The following ARHGAP39 variants were observed in gnomAD, a reference collection of about 807,000 sequenced individuals.
ARHGAP39 encodes the protein rho GTPase-activating protein 39.
In ARHGAP39, 44 loss-of-function variants were observed where a neutral mutation model predicts 106.9. The observed-to-expected ratio is 0.41, with a 90% confidence interval of 0.32 to 0.53. The LOEUF (loss-of-function observed/expected upper bound fraction) is 0.53. ARHGAP39 is among the 20% of genes least tolerant of loss of function. The pLI is 0.21. For missense variants in ARHGAP39, 1,496 were observed against 1,577.3 expected, an observed-to-expected ratio of 0.95 and a Z score of 0.87; for synonymous variants, 768 against 693.2, an observed-to-expected ratio of 1.11 and a Z score of -1.69.
At chr8:144,581,497 T>C (rs1298417901) in intron 2 of ARHGAP39, among the ~76,000 whole-genome samples, 3 of 152,184 alleles carry the variant, frequency 2.0e-5, no homozygotes, top group Non-Finnish European at 4.4e-5. Flanking sequence ...GTGCAGCCCT[T>C]TGGGGGGTCC....
chr8:144,544,596 G>A lies in ARHGAP39; in HGVS notation c.2521+653C>T, dbSNP rs796082680. On this transcript the variant is annotated intron_variant, in intron 6 of 11. Transcript: ENST00000377307. Reference sequence around the variant, plus strand: ...TGCTGCAGACACGGGGCTGTCTGGCGGATGGCACCATGGCCTGGGCCCAGC... The same window carrying A: ...TGCTGCAGACACGGGGCTGTCTGGCAGATGGCACCATGGCCTGGGCCCAGC... 6.9e-4 allele frequency among the ~76,000 whole-genome samples: 105 copies of A among 152,372 alleles called. 2 individuals carry two copies. The highest frequency in any genetic ancestry group is 2.4e-3 in the African/African-American group (100 of 41,594).
intron 1 of ARHGAP39, among the ~76,000 whole-genome samples, chr8:144,630,848 T>G (rs1821042166): frequency 6.6e-6 from 1 of 152,274 alleles, no homozygotes; most frequent in African/African-American, 2.4e-5. Flanking sequence ...TAAGTTTCTG[T>G]TGTCTATAAA....
At chr8:144,681,025 C>A (rs980109232) in intron 1 of ARHGAP39, among the ~76,000 whole-genome samples, 2 of 152,098 alleles carry the variant, frequency 1.3e-5, no homozygotes, top group African/African-American at 4.8e-5. Context: ...TGTCTTGATA[C>A]CAAACACAGC....
intron 1 of ARHGAP39, among the ~76,000 whole-genome samples, chr8:144,620,852 C>T (rs904798806): frequency 6.6e-6 from 1 of 152,364 alleles, no homozygotes; most frequent in Non-Finnish European, 1.5e-5. Flanking sequence ...TGAGGACCGG[C>T]AGGAATCCCT....
intron 1 of ARHGAP39, among the ~76,000 whole-genome samples, chr8:144,681,161 G>T (rs1458759398): frequency 6.6e-6 from 1 of 152,124 alleles, no homozygotes; most frequent in Non-Finnish European, 1.5e-5. Flanking sequence ...AGACTTGTCA[G>T]ATAAACTTGG....
Position 144,548,156 on chromosome 8 carries a change from G to C in ARHGAP39, c.930C>G (p.Pro310=). The change falls in exon 5 of 12, where the codon CCC becomes CCG. Residue 310 remains proline (P), a synonymous_variant. Transcript: ENST00000377307. The surrounding 1 kb of genome is among the most constrained non-coding windows in gnomAD (Gnocchi z 7.4). ...QPSSPRYGYE[P]PLYEEPPVEY... ...CCACTGGGGGCTCCTCGTAGAGCGG[G>C]GGTTCATAGCCATAGCGCGGGGAGG... 1.3e-6 allele frequency: 2 copies of C among 1,573,374 alleles called. No individual in the cohort carries two copies. Among genetic ancestry groups the C allele is most frequent in the East Asian group, 2.3e-5 (1 of 44,324 alleles).
rs903122774 is a variant in ARHGAP39, at chr8:144,585,214, G to A, written c.81-3937C>T. Among the ~76,000 whole-genome samples the A allele has an allele frequency of 7.2e-5, 11 of 152,108 alleles. No individual in the cohort carries two copies. The highest frequency in any genetic ancestry group is 7.2e-4 in the Admixed American group (11 of 15,270). Reference sequence around the variant, plus strand: ...TGGGACCCCCCAGAAGCCTCTGCCGGTCCCAGCTCCAGATGCAATGGCAGA... The same window carrying A: ...TGGGACCCCCCAGAAGCCTCTGCCGATCCCAGCTCCAGATGCAATGGCAGA... On this transcript the variant is annotated intron_variant, in intron 2 of 11. Coordinates refer to ENST00000377307, the MANE Select transcript of ARHGAP39 (RefSeq NM_025251.3). The surrounding 1 kb of genome is among the most constrained non-coding windows in gnomAD (Gnocchi z 4.6).
chr8:144,619,743 T>G (rs370625120), intron 1 of ARHGAP39, among the ~76,000 whole-genome samples: 1 of 150,948 alleles, frequency 6.6e-6, no homozygotes, highest in African/African-American at 2.4e-5. Context: ...CGTGTGAGCC[T>G]GTGTGTACCT....
chr8:144,688,658 G>C (rs1185205242), upstream of ARHGAP39, among the ~76,000 whole-genome samples: 2 of 152,180 alleles, frequency 1.3e-5, no homozygotes, highest in African/African-American at 4.8e-5. Flanking sequence ...GGAAGGTCGA[G>C]GCTGTGGTGA....
chr8:144,588,057 G>C (rs1313062295), intron 2 of ARHGAP39, among the ~76,000 whole-genome samples: 2 of 152,350 alleles, frequency 1.3e-5, no homozygotes, highest in Non-Finnish European at 2.9e-5. Flanking sequence ...CAAGGGTGAT[G>C]GTCCCAGCCC....
intron 1 of ARHGAP39, 176 bp from the exon 2 acceptor site, chr8:144,605,871 C>T (rs1433970221): frequency 2.5e-5 from 13 of 526,720 alleles, no homozygotes; most frequent in East Asian, 1.6e-4. Flanking sequence ...CCTGGCCCTG[C>T]GTTGCAGCGA....
chr8:144,586,638 A>C lies in ARHGAP39; in HGVS notation c.81-5361T>G, dbSNP rs1819195008. The C allele has an allele frequency of 6.6e-6, 1 of 152,360 alleles. No homozygotes were observed. Among genetic ancestry groups the C allele is most frequent in the Non-Finnish European group, 1.5e-5 (1 of 68,146 alleles). 9.4% of individuals were successfully genotyped at this position (152,360 alleles called of 1,614,324 possible). Reference sequence around the variant, plus strand: ...GCTTCAATCTGGGGCAGTGGCCAGAAAACTGGCTGATGCAGGTACCACACC... The same window carrying C: ...GCTTCAATCTGGGGCAGTGGCCAGACAACTGGCTGATGCAGGTACCACACC... On this transcript the variant is annotated intron_variant, in intron 2 of 11. Transcript: ENST00000377307. The surrounding 1 kb of genome is among the most constrained non-coding windows in gnomAD (Gnocchi z 4.2).
intron 7 of ARHGAP39, among the ~76,000 whole-genome samples, chr8:144,536,825 C>T (rs1816974872): frequency 6.6e-6 from 1 of 152,244 alleles, no homozygotes; most frequent in Non-Finnish European, 1.5e-5. Flanking sequence ...CTAAGCAAAC[C>T]TCATCCACAG....
At chr8:144,630,121 C>T (rs80141574) in intron 1 of ARHGAP39, among the ~76,000 whole-genome samples, 7,617 of 152,210 alleles carry the variant, frequency 0.05, 420 homozygotes, top group East Asian at 0.24. Context: ...CCAGAGCACA[C>T]GAGCCGAACA....
At chr8:144,610,242 C>T (rs989634996) in intron 1 of ARHGAP39, among the ~76,000 whole-genome samples, 1 of 152,086 alleles carries the variant, frequency 6.6e-6, no homozygotes, top group Non-Finnish European at 1.5e-5. Context: ...AGAAGCTTAT[C>T]GATTTTACTG....
At chr8:144,628,274 A>G (rs1033174159) in intron 1 of ARHGAP39, among the ~76,000 whole-genome samples, 2 of 152,116 alleles carry the variant, frequency 1.3e-5, no homozygotes, top group African/African-American at 4.8e-5. Flanking sequence ...TGAGCATAGC[A>G]TGGTGTGGGC....
At chr8:144,655,388 C>T (rs925461126) in intron 1 of ARHGAP39, among the ~76,000 whole-genome samples, 1 of 152,138 alleles carries the variant, frequency 6.6e-6, no homozygotes, top group Non-Finnish European at 1.5e-5. Flanking sequence ...GCTTCAGAGA[C>T]CTGCAGAGAC....
At position 144,684,245 on chromosome 8, in the gene ARHGAP39, T is replaced by C. The variant is rs1235701726; in HGVS notation, c.-82+1441A>G. 6.6e-6 allele frequency among the ~76,000 whole-genome samples: 1 copy of C among 152,036 alleles called. No individual in the cohort carries two copies. The highest frequency in any genetic ancestry group is 1.5e-5 in the Non-Finnish European group (1 of 68,000). ...GCTACAGAGCCTGCGCCCAGGGCGG[T>C]TTATGGAATGAGTCTCCTCGATTTA... On this transcript the variant is annotated intron_variant, in intron 1 of 11. Coordinates refer to ENST00000377307, the MANE Select transcript of ARHGAP39 (RefSeq NM_025251.3). This position sits in a 1 kb window ranked among gnomAD's most constrained non-coding sequence, Gnocchi z 4.4.
At chr8:144,596,004 C>T (rs1252194610) in intron 2 of ARHGAP39, among the ~76,000 whole-genome samples, 1 of 152,148 alleles carries the variant, frequency 6.6e-6, no homozygotes, top group Non-Finnish European at 1.5e-5. Flanking sequence ...CACAGATACC[C>T]GCAGAGGACA....
Sources: allele counts gnomAD v4.1 joint callset (sites outside exome capture counted in the v4.1 genomes callset), GRCh38; gene constraint gnomAD v4.1.1; non-coding constraint Gnocchi (gnomAD v3.1); transcripts MANE v1.5; gene names NCBI Gene and HGNC (gene_info 2026-07-23, HGNC 2026-07-21).